The following SMCO2 variants were observed in gnomAD, a reference collection of about 807,000 sequenced individuals.
SMCO2 encodes the protein single-pass membrane and coiled-coil domain-containing protein 2.
A neutral mutation model predicts 29.5 loss-of-function variants in SMCO2; 25 were observed. The ratio of observed to expected loss-of-function variants is 0.85; its 90% CI spans 0.62 to 1.18. The LOEUF (loss-of-function observed/expected upper bound fraction) is 1.18. Ranked by LOEUF, SMCO2 falls within the 50% of genes most tolerant of loss-of-function variation. The pLI is 0.00. For synonymous variants in SMCO2, 117 were observed against 123.3 expected, an observed-to-expected ratio of 0.95 and a Z score of 0.34; for missense variants, 348 against 344.5, an observed-to-expected ratio of 1.01 and a Z score of -0.08.
At chr12:27,447,067 T>C in the SMCO2 span, among the ~76,000 whole-genome samples, 2 of 152,174 alleles carry the variant, frequency 1.3e-5, no homozygotes, top group African/African-American at 4.8e-5. Context: ...GTAGTCAGTG[T>C]GCTTTTTGGA....
At chr12:27,474,711 G>T (rs968772614) in intron 3 of SMCO2, 75 bp from the exon 4 acceptor site, 1 of 1,517,716 alleles carries the variant, frequency 6.6e-7, no homozygotes, top group African/African-American at 1.4e-5. Flanking sequence ...AAGGGGGATT[G>T]GGTAGGGCTG....
At position 27,472,882 on chromosome 12, in the gene SMCO2, A is replaced by G; in HGVS notation, c.234+7A>G. On this transcript the variant is annotated splice_region_variant and intron_variant, in intron 3 of 7. Coordinates refer to ENST00000298876, the Ensembl canonical transcript of SMCO2. ...AACTGACTTCCTTCACAAGGTAGAC[A>G]CTGAAAAATGGGTAAGAGAGACACT... The G allele has an allele frequency of 6.5e-7, 1 of 1,546,760 alleles. No individual in the cohort carries two copies. Among genetic ancestry groups the G allele is most frequent in the Non-Finnish European group, 8.7e-7 (1 of 1,143,214 alleles).
chr12:27,478,044 C>T (rs554867917), intron 4 of SMCO2, among the ~76,000 whole-genome samples: 2 of 152,226 alleles, frequency 1.3e-5, no homozygotes, highest in African/African-American at 4.8e-5. Context: ...CAATTTTATG[C>T]ATTGGCTTTC....
At chr12:27,501,760 A>C (rs1943081569) in intron 7 of SMCO2, among the ~76,000 whole-genome samples, 163 bp from the exon 9 acceptor site, 1 of 150,636 alleles carries the variant, frequency 6.6e-6, no homozygotes, top group Non-Finnish European at 1.5e-5. Context: ...GAACATAAAT[A>C]AGTGCTCCTC....
chr12:27,478,766 C>T (rs1302303432), intron 4 of SMCO2, among the ~76,000 whole-genome samples: 1 of 147,592 alleles, frequency 6.8e-6, no homozygotes, highest in South Asian at 2.2e-4. Context: ...CCACAGAAAG[C>T]AAGTGTTGGT....
the SMCO2 span, among the ~76,000 whole-genome samples, chr12:27,457,361 A>G: frequency 6.6e-6 from 1 of 152,210 alleles, no homozygotes; most frequent in African/African-American, 2.4e-5. Context: ...CCCCCAAATT[A>G]TGTAGCCAGC....
chr12:27,476,672 C>T (rs1949589157), intron 4 of SMCO2, among the ~76,000 whole-genome samples: 1 of 151,650 alleles, frequency 6.6e-6, no homozygotes, highest in African/African-American at 2.4e-5. Context: ...TATAGCCACT[C>T]CTGCTTGCTT....
In SMCO2 at chr12:27,496,046, A is replaced by G. The variant is rs146664023; in HGVS notation, c.683+191A>G. 2.3e-4 allele frequency among the ~76,000 whole-genome samples: 34 copies of G among 150,574 alleles called. 1 individual carries two copies. Among genetic ancestry groups the G allele is most frequent in the African/African-American group, 7.2e-4 (29 of 40,224 alleles). On this transcript the variant is annotated intron_variant, in intron 7 of 7. Coordinates refer to ENST00000298876, the Ensembl canonical transcript of SMCO2. ...ATTTTTCTTATTTAGATAAAGATCT[A>G]TTGCATTCGATATATATAGATTGCT...
chr12:27,467,857 T>C (rs1235877586), intron 1 of SMCO2, among the ~76,000 whole-genome samples: 1 of 152,090 alleles, frequency 6.6e-6, no homozygotes, highest in Non-Finnish European at 1.5e-5. Context: ...ATCATGAGGG[T>C]CAGAGGAAAC....
intron 4 of SMCO2, chr12:27,475,631 G>A: frequency 6.5e-7 from 1 of 1,549,776 alleles, no homozygotes; most frequent in Non-Finnish European, 8.7e-7. Flanking sequence ...CACAAAGATA[G>A]GTCTCCAGGT....
chr12:27,451,109 T>C, the SMCO2 span, among the ~76,000 whole-genome samples: 1 of 152,264 alleles, frequency 6.6e-6, no homozygotes, highest in Non-Finnish European at 1.5e-5. Flanking sequence ...TACAGATAGT[T>C]ATTATTTACT....
chr12:27,474,869 A>G (rs940906254), exon 4 of SMCO2: 2 of 1,551,520 alleles, frequency 1.3e-6, no homozygotes, highest in Non-Finnish European at 1.7e-6. Context: ...AGGACCCTCA[A>G]GCGTCTACAT....
chr12:27,498,213 T>C (rs1943034944), intron 7 of SMCO2: 1 of 321,944 alleles, frequency 3.1e-6, no homozygotes, highest in Non-Finnish European at 6.2e-6. Context: ...GCTGCTTACT[T>C]TTTGTGTGGT....
chr12:27,473,098 C>T (rs529754630), intron 3 of SMCO2: 40 of 419,494 alleles, frequency 9.5e-5, no homozygotes, highest in Admixed American at 2.0e-4. Context: ...CCTTCCCATG[C>T]GAACAAAAAA....
chr12:27,464,649 C>T (rs1200176847), upstream of SMCO2, among the ~76,000 whole-genome samples: 6 of 139,696 alleles, frequency 4.3e-5, no homozygotes, highest in Non-Finnish European at 6.1e-5. Context: ...CCCAGGAGGT[C>T]GAACCTGCAA....
chr12:27,465,028 CAAAAA>C (rs35630976), upstream of SMCO2, among the ~76,000 whole-genome samples: 2 of 60,562 alleles, frequency 3.3e-5, no homozygotes, highest in South Asian at 6.3e-4. Flanking sequence ...GACCCTGTCT[CAAAAA>C]AAAAAAAAAA....
chr12:27,472,177 C>G (rs1265738961), intron 2 of SMCO2, among the ~76,000 whole-genome samples: 1 of 152,136 alleles, frequency 6.6e-6, no homozygotes, highest in African/African-American at 2.4e-5. Context: ...ATAAGAAATT[C>G]AAAGTGCTTT....
chr12:27,495,149 A>G (rs1455599999), intron 6 of SMCO2, among the ~76,000 whole-genome samples: 1 of 152,146 alleles, frequency 6.6e-6, no homozygotes, highest in African/African-American at 2.4e-5. Context: ...TATCCCAACT[A>G]TCTTGAGTAG....
At chr12:27,480,707 C>A (rs56001436) in intron 4 of SMCO2, among the ~76,000 whole-genome samples, 5 of 151,664 alleles carry the variant, frequency 3.3e-5, no homozygotes, top group South Asian at 2.1e-4. Flanking sequence ...CCTCTCCCCC[C>A]CCTCTCTCTC....
Sources: gnomAD v4.1 joint callset for allele counts (sites outside exome capture counted in the v4.1 genomes callset) on GRCh38, gnomAD v4.1.1 for gene constraint, MANE v1.5 for transcripts, NCBI Gene and HGNC (gene_info 2026-07-23, HGNC 2026-07-21) for gene names.